The following GSAP variants were observed in gnomAD, a reference collection of about 807,000 sequenced individuals.
GSAP encodes the protein gamma-secretase activating protein, also known as gamma-secretase-activating protein.
GSAP carries 118 observed loss-of-function variants against 131.7 expected under a neutral mutation model. The observed-to-expected ratio is 0.90, with a 90% CI of 0.77 to 1.04. GSAP has a LOEUF of 1.04. Ranked by LOEUF, GSAP falls within the 50% of genes least tolerant of loss-of-function variation. The pLI is 0.00. For missense variants in GSAP, 1,019 were observed against 1,013.2 expected (o/e 1.01, Z -0.08); for synonymous variants, 381 against 363.4 (o/e 1.05, Z -0.55).
chr7:77,347,601 G>A (rs1191978888), intron 19 of GSAP, among the ~76,000 whole-genome samples: 1 of 152,088 alleles, frequency 6.6e-6, no homozygotes, highest in Admixed American at 6.6e-5. Context: ...AAAAGAAAAA[G>A]ACACTGCCAT....
chr7:77,322,162 T>C (rs542417322), intron 24 of GSAP, among the ~76,000 whole-genome samples: 1 of 152,370 alleles, frequency 6.6e-6, no homozygotes, highest in African/African-American at 2.4e-5. Flanking sequence ...ACGCTATCCT[T>C]GATACAGATC....
chr7:77,404,439 T>G (rs909260824), intron 3 of GSAP, 120 bp downstream of exon 3: 24 of 686,052 alleles, frequency 3.5e-5, no homozygotes, highest in Non-Finnish European at 6.2e-5. Flanking sequence ...TTCTGTTTTT[T>G]CAAATAAAAT....
rs1367759969 is a variant in GSAP at position 77,311,735 on chromosome 7, C to T, written c.2473+106G>A. On this transcript the variant is annotated intron_variant, in intron 30 of 30. Coordinates refer to ENST00000257626, the MANE Select transcript of GSAP (RefSeq NM_017439.4). Reference sequence around the variant, plus strand: ...GTAAACCAATTGCTATAAGGGTCTACTTGTATGTTAAAAGGATTTTGGAAA... The same window carrying T: ...GTAAACCAATTGCTATAAGGGTCTATTTGTATGTTAAAAGGATTTTGGAAA... 18 of 660,848 alleles carry T rather than the reference C, an allele frequency of 2.7e-5. No homozygotes were observed. The Admixed American group carries it at 4.1e-4, about 15-fold the overall frequency. 40.9% of individuals were successfully genotyped at this position (660,848 alleles called of 1,614,324 possible). A position where few individuals can be genotyped will look rare whatever the true frequency, so the allele number is the denominator to read the frequency against.
intron 19 of GSAP, among the ~76,000 whole-genome samples, chr7:77,346,552 A>G (rs971718950): frequency 2.1e-4 from 32 of 151,518 alleles, no homozygotes; most frequent in South Asian, 4.2e-4. Flanking sequence ...AAAAAAAAAA[A>G]AGTTTTAATT....
chr7:77,370,685 C>G (rs1396293504), intron 12 of GSAP, among the ~76,000 whole-genome samples: 1 of 152,174 alleles, frequency 6.6e-6, no homozygotes, highest in Non-Finnish European at 1.5e-5. Flanking sequence ...TCCTATTTCC[C>G]TTTCCAGCTG....
intron 26 of GSAP, chr7:77,315,716 C>T (rs1053033605): frequency 3.3e-5 from 5 of 152,104 alleles, no homozygotes; most frequent in East Asian, 1.9e-4. Flanking sequence ...AACAGAGGTC[C>T]GAAGATGAGA....
intron 8 of GSAP, among the ~76,000 whole-genome samples, chr7:77,380,722 C>A (rs999720308): frequency 5.3e-5 from 8 of 151,004 alleles, no homozygotes; most frequent in Non-Finnish European, 8.9e-5. Context: ...AAAAAAAGTA[C>A]ATGTGGAAAA....
intron 12 of GSAP, among the ~76,000 whole-genome samples, chr7:77,369,495 CAAG>C: frequency 6.6e-6 from 1 of 152,190 alleles, no homozygotes; most frequent in African/African-American, 2.4e-5. Context: ...CAAATGTTTT[CAAG>C]AATATAAAAA....
intron 11 of GSAP, 76 bp downstream of exon 11, chr7:77,374,977 CATAAT>C (rs995360332): frequency 2.9e-6 from 2 of 685,374 alleles, no homozygotes; most frequent in African/African-American, 1.9e-5. Flanking sequence ...TTTTTATCTG[CATAAT>C]ATAATGTACG....
At chr7:77,329,043 C>A (rs1393732524) in intron 21 of GSAP, among the ~76,000 whole-genome samples, 1 of 152,112 alleles carries the variant, frequency 6.6e-6, no homozygotes, top group Non-Finnish European at 1.5e-5. Flanking sequence ...CTACTATTTG[C>A]CTTTCTCTCC....
chr7:77,353,826 T>C, intron 16 of GSAP, 185 bp from the exon 17 acceptor site: 1 of 479,378 alleles, frequency 2.1e-6, no homozygotes, highest in Non-Finnish European at 3.7e-6. Flanking sequence ...AAACGGTATT[T>C]TATAAGTGAG....
intron 5 of GSAP, among the ~76,000 whole-genome samples, chr7:77,389,597 T>C (rs541161931): frequency 2.0e-5 from 3 of 152,292 alleles, no homozygotes; most frequent in East Asian, 3.9e-4. Flanking sequence ...TCCATGTCCC[T>C]ACAAAGGACA....
chr7:77,381,249 T>C, intron 8 of GSAP, 56 bp downstream of exon 8: 1 of 877,176 alleles, frequency 1.1e-6, no homozygotes, highest in South Asian at 1.6e-5. Context: ...TCTAGTAATG[T>C]ACTTCTTTGT....
chr7:77,391,439 C>T (rs1799529480), intron 5 of GSAP, among the ~76,000 whole-genome samples: 1 of 152,166 alleles, frequency 6.6e-6, no homozygotes, highest in Non-Finnish European at 1.5e-5. Context: ...ATTCTAGAGA[C>T]ATCAGTTCTA....
chr7:77,361,255 T>C (rs1182049743), intron 13 of GSAP, among the ~76,000 whole-genome samples: 1 of 152,230 alleles, frequency 6.6e-6, no homozygotes, highest in African/African-American at 2.4e-5. Context: ...GCCACACACG[T>C]GCAGTCATTA....
At chr7:77,328,416 G>A (rs948502954) in intron 22 of GSAP, 190 bp downstream of exon 22, 62 of 1,296,634 alleles carry the variant, frequency 4.8e-5, no homozygotes, top group African/African-American at 6.1e-5. Flanking sequence ...AGCTGTCCCC[G>A]GAGGTCCTGG....
chr7:77,334,581 A>T (rs58027365), intron 19 of GSAP, among the ~76,000 whole-genome samples: 31 of 58,910 alleles, frequency 5.3e-4, no homozygotes, highest in East Asian at 4.2e-3. Context: ...CTTAAAATTT[A>T]AAAAAAAAAA....
intron 22 of GSAP, chr7:77,327,407 C>A (rs1489593054): frequency 6.6e-6 from 1 of 152,288 alleles, no homozygotes; most frequent in Non-Finnish European, 1.5e-5. Context: ...CAGGGCAGAT[C>A]CCCTGGCTTC....
chr7:77,349,411 T>C lies in GSAP; in HGVS notation c.1492-7A>G, dbSNP rs762190914. The C allele has an allele frequency of 2.5e-5, 40 of 1,611,284 alleles. No individual in the cohort carries two copies. The East Asian group carries it at 8.0e-4, about 32-fold the overall frequency. On this transcript the variant is annotated splice_region_variant and splice_polypyrimidine_tract_variant and intron_variant, in intron 18 of 30. Transcript: ENST00000257626. ...GAGTTATTCCAGGAATTTCCTATAG[T>C]GGGGAAAAACACACACACACAGCTG...
Sources: allele counts gnomAD v4.1 joint callset (sites outside exome capture counted in the v4.1 genomes callset), GRCh38; gene constraint gnomAD v4.1.1; transcripts MANE v1.5; gene names NCBI Gene and HGNC (gene_info 2026-07-23, HGNC 2026-07-21).